Variants in GRIP1 observed in about 807,000 individuals in gnomAD.
The protein encoded by GRIP1 is glutamate receptor interacting protein 1, also known as glutamate receptor-interacting protein 1.
In GRIP1, 45 loss-of-function variants were observed where a neutral mutation model predicts 129.9. The observed-to-expected ratio is 0.35, with a 90% CI of 0.27 to 0.44. GRIP1 has a LOEUF of 0.44. Ranked by LOEUF, GRIP1 falls within the 20% of genes least tolerant of loss-of-function variation. The pLI, the probability that GRIP1 is intolerant of heterozygous loss-of-function variation, is 1.00. For missense variants in GRIP1, 1,196 were observed against 1,396.8 expected (o/e 0.86, Z 2.29); for synonymous variants, 530 against 520.8 (o/e 1.02, Z -0.24).
chr12:66,895,763 G>A (rs117648481), intron 1 of GRIP1, among the ~76,000 whole-genome samples: 7 of 152,246 alleles, frequency 4.6e-5, no homozygotes, highest in Non-Finnish European at 7.4e-5. Flanking sequence ...TCATATTAAT[G>A]TTCATTTACC....
chr12:66,513,201 A>G (rs569370121), intron 7 of GRIP1, among the ~76,000 whole-genome samples: 1 of 152,276 alleles, frequency 6.6e-6, no homozygotes, highest in East Asian at 1.9e-4. Flanking sequence ...TCCCATGTTA[A>G]TATCAGATAG....
Position 66,733,126 on chromosome 12 carries a change from T to C in GRIP1, c.-420+70927A>G, listed in dbSNP as rs939899146. 4.6e-5 allele frequency among the ~76,000 whole-genome samples: 7 copies of C among 152,264 alleles called. No individual in the cohort carries two copies. In the South Asian group the frequency reaches 8.3e-4, roughly 18 times the overall value. On this transcript the variant is annotated intron_variant, in intron 1 of 4. Coordinates refer to the GRIP1 transcript ENST00000538373. ...ACCTTAGCCTCCTGAGAAGCATCCT[T>C]GTAGCCACCATGCCAGAATCTAATT...
chr12:66,860,593 G>GTA (rs1429863310), intron 1 of GRIP1, among the ~76,000 whole-genome samples: 1 of 151,896 alleles, frequency 6.6e-6, no homozygotes, highest in Non-Finnish European at 1.5e-5. Flanking sequence ...CCGGTGGTAG[G>GTA]TATCCTGACT....
At chr12:66,999,555 G>A (rs1418558719) in intron 1 of GRIP1, among the ~76,000 whole-genome samples, 1 of 152,126 alleles carries the variant, frequency 6.6e-6, no homozygotes, top group East Asian at 1.9e-4. Context: ...AAGCAAAATT[G>A]TAAATCAAGA....
chr12:67,031,320 C>CA (rs2043018975), intron 1 of GRIP1, among the ~76,000 whole-genome samples: 1 of 152,194 alleles, frequency 6.6e-6, no homozygotes, highest in African/African-American at 2.4e-5. Context: ...TGCTAAACTA[C>CA]ACAAAATCCT....
At chr12:66,498,762 C>A (rs17779025) in intron 7 of GRIP1, among the ~76,000 whole-genome samples, 1 of 152,030 alleles carries the variant, frequency 6.6e-6, no homozygotes, top group East Asian at 1.9e-4. Flanking sequence ...TCTTTTCCTA[C>A]GTCATGAAGA....
chr12:66,954,219 C>G (rs1047086839), intron 1 of GRIP1, among the ~76,000 whole-genome samples: 1 of 152,184 alleles, frequency 6.6e-6, no homozygotes, highest in Non-Finnish European at 1.5e-5. Flanking sequence ...CATGACATCG[C>G]TATTAGGTTC....
chr12:66,785,309 TACATACATACATACATAC>T (rs1171953955), intron 1 of GRIP1, among the ~76,000 whole-genome samples: 6 of 65,830 alleles, frequency 9.1e-5, no homozygotes, highest in Admixed American at 1.7e-4. Context: ...GAATTTAACA[TACATACATACATACATAC>T]ATACATACAT....
chr12:67,015,360 C>G (rs1035813703), intron 1 of GRIP1, among the ~76,000 whole-genome samples: 1 of 152,094 alleles, frequency 6.6e-6, no homozygotes, highest in Non-Finnish European at 1.5e-5. Context: ...TCAGGAGAAA[C>G]GTGCCTAAGT....
At chr12:66,904,902 CA>C (rs1002999591) in intron 1 of GRIP1, among the ~76,000 whole-genome samples, 30 of 134,760 alleles carry the variant, frequency 2.2e-4, no homozygotes, top group African/African-American at 2.9e-4. Context: ...AAAAAAAAAA[CA>C]AAAAAAAGTA....
chr12:66,765,777 G>A (rs1361820403), intron 1 of GRIP1, among the ~76,000 whole-genome samples: 1 of 152,102 alleles, frequency 6.6e-6, no homozygotes, highest in African/African-American at 2.4e-5. Context: ...TTTTATAAAC[G>A]GTGTGAAAAC....
intron 1 of GRIP1, among the ~76,000 whole-genome samples, chr12:66,794,080 G>C (rs1054910991): frequency 6.6e-6 from 1 of 152,114 alleles, no homozygotes; most frequent in African/African-American, 2.4e-5. Context: ...TATTTTCCTT[G>C]CATTTGGATT....
intron 1 of GRIP1, among the ~76,000 whole-genome samples, chr12:66,994,988 G>T (rs1018727510): frequency 6.6e-6 from 1 of 151,926 alleles, no homozygotes; most frequent in Non-Finnish European, 1.5e-5. Context: ...CTGACATAAG[G>T]ATAGATATGT....
intron 1 of GRIP1, among the ~76,000 whole-genome samples, chr12:66,769,682 A>G (rs1017934996): frequency 1.1e-4 from 17 of 152,006 alleles, no homozygotes; most frequent in Non-Finnish European, 2.4e-4. Flanking sequence ...TCCTCTGAAT[A>G]TAGGAGGGAA....
At chr12:67,061,359 G>T (rs528792111) in intron 1 of GRIP1, among the ~76,000 whole-genome samples, 3 of 152,282 alleles carry the variant, frequency 2.0e-5, no homozygotes, top group African/African-American at 7.2e-5. Flanking sequence ...AGGTCAGTAT[G>T]CCAAGAATCA....
chr12:66,404,915 C>G (rs2057137020), intron 16 of GRIP1, among the ~76,000 whole-genome samples: 1 of 152,142 alleles, frequency 6.6e-6, no homozygotes. Context: ...ACCAGTAGTT[C>G]CAGCTACTCA....
At chr12:66,564,341 TGTTTA>T (rs1942296717) in intron 2 of GRIP1, among the ~76,000 whole-genome samples, 1 of 143,788 alleles carries the variant, frequency 7.0e-6, no homozygotes, top group African/African-American at 2.6e-5. Flanking sequence ...GTGTTCTCAT[TGTTTA>T]GTTCCCACCT....
Position 66,494,561 on chromosome 12 carries a change from T to G in GRIP1, c.724+21058A>C, listed in dbSNP as rs143946763. 1.1e-3 allele frequency among the ~76,000 whole-genome samples: 168 copies of G among 152,244 alleles called. 1 individual carries two copies. The East Asian group carries it at 0.027, about 25-fold the overall frequency. ...ATAAATTAATTTCTTCAAGACACAG[T>G]TACTTCATCTGTTAAAAATAAGGAT... On this transcript the variant is annotated intron_variant, in intron 7 of 24. Transcript: ENST00000359742.
At chr12:66,920,245 C>T (rs2041190815) in intron 1 of GRIP1, among the ~76,000 whole-genome samples, 1 of 152,126 alleles carries the variant, frequency 6.6e-6, no homozygotes, top group Non-Finnish European at 1.5e-5. Flanking sequence ...AGGTTCTCTT[C>T]CACCTAATTA....
Sources: gnomAD v4.1 joint callset for allele counts (sites outside exome capture counted in the v4.1 genomes callset) on GRCh38, gnomAD v4.1.1 for gene constraint, MANE v1.5 for transcripts, NCBI Gene and HGNC (gene_info 2026-07-23, HGNC 2026-07-21) for gene names.